The following USP37 variants were observed in gnomAD, a reference collection of about 807,000 sequenced individuals.
USP37 encodes the protein ubiquitin carboxyl-terminal hydrolase 37.
In USP37, 27 loss-of-function variants were observed where a neutral mutation model predicts 124.0. The observed-to-expected ratio is 0.22, with a 90% CI of 0.16 to 0.30. The LOEUF (loss-of-function observed/expected upper bound fraction) is 0.30. Ranked by LOEUF, USP37 falls within the 10% of genes least tolerant of loss-of-function variation. The pLI, the probability that USP37 is intolerant of heterozygous loss-of-function variation, is 1.00. For missense variants in USP37, 889 were observed against 1,140.4 expected (o/e 0.78, Z 3.17); for synonymous variants, 365 against 388.0 (o/e 0.94, Z 0.70).
In USP37 at chr2:218,488,193, A is replaced by AG. The variant is rs923427404; in HGVS notation, c.1590+110_1590+111insC. 17 of 630,644 alleles carry AG rather than the reference A, an allele frequency of 2.7e-5. No homozygotes were observed. The South Asian group carries it at 3.1e-4, about 12-fold the overall frequency. 39.1% of individuals were successfully genotyped at this position (630,644 alleles called of 1,614,324 possible). A position where few individuals can be genotyped will look rare whatever the true frequency, so the allele number is the denominator to read the frequency against. ...CCTGTCTCAAAAAAAAAAAAAAAAA[A>AG]AAAAGAAAAGAAAAGAAACTTTGCC... On this transcript the variant is annotated intron_variant, in intron 15 of 25. Transcript: ENST00000258399.
intron 23 of USP37, among the ~76,000 whole-genome samples, chr2:218,459,556 T>A (rs1689890353): frequency 6.6e-6 from 1 of 152,212 alleles, no homozygotes; most frequent in South Asian, 2.1e-4. Flanking sequence ...TTACCTAACA[T>A]GCATGTAAAG....
chr2:218,471,329 G>A (rs1690675691), intron 20 of USP37, among the ~76,000 whole-genome samples: 1 of 152,202 alleles, frequency 6.6e-6, no homozygotes, highest in Non-Finnish European at 1.5e-5. Context: ...AATGACTTCT[G>A]TAAGTGGGCA....
intron 10 of USP37, among the ~76,000 whole-genome samples, chr2:218,523,227 C>A (rs1388999164): frequency 6.6e-6 from 1 of 151,832 alleles, no homozygotes; most frequent in African/African-American, 2.4e-5. Context: ...TGTGCCACTG[C>A]ACTCTAGCCT....
chr2:218,489,203 C>G (rs1691767380), intron 14 of USP37, among the ~76,000 whole-genome samples: 1 of 148,992 alleles, frequency 6.7e-6, no homozygotes, highest in Admixed American at 6.7e-5. Context: ...ACAAAAAATA[C>G]AAAAATTAGC....
At chr2:218,460,887 G>A (rs1481796024) in intron 22 of USP37, among the ~76,000 whole-genome samples, 1 of 152,010 alleles carries the variant, frequency 6.6e-6, no homozygotes, top group Admixed American at 6.6e-5. Context: ...GTTGCAGTGA[G>A]CCGAGATTGC....
At chr2:218,471,975 A>C (rs532498866) in intron 20 of USP37, among the ~76,000 whole-genome samples, 1 of 151,436 alleles carries the variant, frequency 6.6e-6, no homozygotes, top group African/African-American at 2.4e-5. Context: ...GGTTGCAGTG[A>C]GCTGAGATCA....
chr2:218,506,648 T>C (rs1329628557), intron 11 of USP37, among the ~76,000 whole-genome samples: 2 of 151,768 alleles, frequency 1.3e-5, no homozygotes. Context: ...CTTTCCTTTT[T>C]AAAGCCCATT....
chr2:218,532,431 C>T (rs1423720456), intron 9 of USP37, among the ~76,000 whole-genome samples: 4 of 145,838 alleles, frequency 2.7e-5, no homozygotes, highest in Non-Finnish European at 6.0e-5. Context: ...CGTGCCACTG[C>T]ACTCCAGCCT....
In USP37 at chr2:218,481,979, A is replaced by G. The variant is rs1319744755; in HGVS notation, c.1835+91T>C. On this transcript the variant is annotated intron_variant, in intron 17 of 25. Transcript: ENST00000258399. The stretch of plus-strand genomic sequence containing the variant: ...ATTGATCTGATTTTACCTTGGAGTC[A>G]TATTATGTAATTCAGTCATTCTTTT... 2.8e-6 allele frequency: 4 copies of G among 1,409,844 alleles called. No homozygotes were observed. In the East Asian group the frequency reaches 7.0e-5, roughly 25 times the overall value. 87.3% of individuals were successfully genotyped at this position (1,409,844 alleles called of 1,614,324 possible). A position where few individuals can be genotyped will look rare whatever the true frequency, so the allele number is the denominator to read the frequency against.
intron 20 of USP37, among the ~76,000 whole-genome samples, chr2:218,467,109 A>G (rs1690370433): frequency 6.6e-6 from 1 of 151,982 alleles, no homozygotes; most frequent in African/African-American, 2.4e-5. Context: ...ATATATCTAA[A>G]TCAAGAGTGT....
Position 218,454,796 on chromosome 2 carries a change from C to T in USP37, c.*134G>A. 5 of 1,475,370 alleles carry T rather than the reference C, an allele frequency of 3.4e-6. No individual in the cohort carries two copies. Among genetic ancestry groups the T allele is most frequent in the Non-Finnish European group, 3.6e-6 (4 of 1,118,202 alleles). 91.4% of individuals were successfully genotyped at this position (1,475,370 alleles called of 1,614,324 possible). On this transcript the variant is annotated 3_prime_UTR_variant, in exon 26 of 26. Coordinates refer to ENST00000258399, the MANE Select transcript of USP37 (RefSeq NM_020935.3). Reference sequence around the variant, plus strand: ...CATTCTACGTTACTCCAATTTTTGTCTTTTGGTTTGGCCCTGAGCTGTTTG... The same window carrying T: ...CATTCTACGTTACTCCAATTTTTGTTTTTTGGTTTGGCCCTGAGCTGTTTG...
At chr2:218,536,310 C>T (rs1691643524) in intron 8 of USP37, among the ~76,000 whole-genome samples, 1 of 152,186 alleles carries the variant, frequency 6.6e-6, no homozygotes, top group Non-Finnish European at 1.5e-5. Context: ...CTGTGGCAGA[C>T]AATGCCTAAG....
At chr2:218,509,599 A>T (rs1406275942) in intron 11 of USP37, among the ~76,000 whole-genome samples, 1 of 152,074 alleles carries the variant, frequency 6.6e-6, no homozygotes, top group East Asian at 1.9e-4. Context: ...AAAATTTAAA[A>T]GATAGCTACT....
chr2:218,467,441 A>G (rs1187618558), intron 20 of USP37, among the ~76,000 whole-genome samples: 1 of 151,718 alleles, frequency 6.6e-6, no homozygotes, highest in African/African-American at 2.4e-5. Flanking sequence ...CTTTGCCTCT[A>G]GGGTTCCAGC....
intron 1 of USP37, among the ~76,000 whole-genome samples, chr2:218,563,145 A>T (rs1008221264): frequency 1.4e-5 from 2 of 146,732 alleles, no homozygotes; most frequent in Non-Finnish European, 3.0e-5. Context: ...CCTGGGCAAC[A>T]AGAGCAAAAC....
chr2:218,529,935 A>G (rs752156926), intron 10 of USP37, 21 bp downstream of exon 10: 7 of 1,571,708 alleles, frequency 4.5e-6, no homozygotes, highest in African/African-American at 2.8e-5. Flanking sequence ...GTTTTTCACA[A>G]GTAATATAAC....
At chr2:218,545,712 G>A (rs527783090) in intron 8 of USP37, among the ~76,000 whole-genome samples, 3 of 151,998 alleles carry the variant, frequency 2.0e-5, no homozygotes, top group South Asian at 2.1e-4. Context: ...AAATGAGGAC[G>A]ATGATTACGA....
chr2:218,461,981 A>C (rs1377815400), intron 22 of USP37, among the ~76,000 whole-genome samples: 1 of 152,128 alleles, frequency 6.6e-6, no homozygotes, highest in African/African-American at 2.4e-5. Flanking sequence ...ACATGGTGAA[A>C]CCTCATCTCT....
intron 10 of USP37, among the ~76,000 whole-genome samples, chr2:218,513,463 CT>C (rs1690112756): frequency 6.6e-6 from 1 of 152,268 alleles, no homozygotes; most frequent in Admixed American, 6.5e-5. Flanking sequence ...CATATATACA[CT>C]CATGAAATCA....
Sources: gnomAD v4.1 joint callset for allele counts (sites outside exome capture counted in the v4.1 genomes callset) on GRCh38, gnomAD v4.1.1 for gene constraint, MANE v1.5 for transcripts, NCBI Gene and HGNC (gene_info 2026-07-23, HGNC 2026-07-21) for gene names.